Variants in TOX observed in about 807,000 individuals in gnomAD.
TOX encodes thymocyte selection-associated high mobility group box protein TOX.
A neutral mutation model predicts 53.7 loss-of-function variants in TOX; 11 were observed. The ratio of observed to expected loss-of-function variants is 0.20; its 90% CI spans 0.13 to 0.34. The LOEUF (loss-of-function observed/expected upper bound fraction) is 0.34. Ranked by LOEUF, TOX falls within the 10% of genes least tolerant of loss-of-function variation. The pLI is 1.00. For synonymous variants in TOX, 225 were observed against 245.3 expected (o/e 0.92, Z 0.77); for missense variants, 570 against 664.6 (o/e 0.86, Z 1.56).
chr8:58,905,504 C>T (rs1811797899), intron 3 of TOX, among the ~76,000 whole-genome samples: 2 of 152,294 alleles, frequency 1.3e-5, no homozygotes, highest in South Asian at 2.1e-4. Context: ...AACACTTATG[C>T]TGTCAGAGAG....
At chr8:59,099,438 C>G (rs1804767196) in intron 1 of TOX, among the ~76,000 whole-genome samples, 1 of 152,088 alleles carries the variant, frequency 6.6e-6, no homozygotes, top group Non-Finnish European at 1.5e-5. Flanking sequence ...AAGACAGACA[C>G]TAAATGGCTT....
intron 1 of TOX, among the ~76,000 whole-genome samples, chr8:58,997,065 T>C (rs2129417788): frequency 6.6e-6 from 1 of 152,318 alleles, no homozygotes; most frequent in South Asian, 2.1e-4. Flanking sequence ...CACTAACCTC[T>C]CTGATAGCAC....
At chr8:58,954,128 T>C (rs1057262934) in intron 2 of TOX, among the ~76,000 whole-genome samples, 14 of 152,202 alleles carry the variant, frequency 9.2e-5, no homozygotes, top group Admixed American at 7.2e-4. Flanking sequence ...GTAATAAGCA[T>C]TGACTGTCAT....
At chr8:59,077,259 T>G (rs1218716627) in intron 1 of TOX, among the ~76,000 whole-genome samples, 1 of 152,230 alleles carries the variant, frequency 6.6e-6, no homozygotes, top group Non-Finnish European at 1.5e-5. Flanking sequence ...CTCTTTATTC[T>G]GCCAATGAAC....
chr8:58,860,443 G>A (rs1004970544), intron 3 of TOX, among the ~76,000 whole-genome samples: 11 of 152,164 alleles, frequency 7.2e-5, no homozygotes, highest in South Asian at 2.1e-4. Context: ...AAATAGGAGA[G>A]GAGTGTACTG....
chr8:59,045,527 T>C (rs1212952610), intron 1 of TOX, among the ~76,000 whole-genome samples: 2 of 152,198 alleles, frequency 1.3e-5, no homozygotes, highest in Non-Finnish European at 1.5e-5. Flanking sequence ...ATTTGAATAA[T>C]GGTACAGTCT....
chr8:58,936,033 C>T (rs1371061756), intron 3 of TOX, among the ~76,000 whole-genome samples: 2 of 152,150 alleles, frequency 1.3e-5, no homozygotes, highest in African/African-American at 4.8e-5. Flanking sequence ...AGCCTCTTAC[C>T]GCTGCTATCT....
chr8:58,904,060 T>C (rs1811773203), intron 3 of TOX, among the ~76,000 whole-genome samples: 1 of 152,122 alleles, frequency 6.6e-6, no homozygotes, highest in Non-Finnish European at 1.5e-5. Context: ...GTTTAGAAAA[T>C]GAGGCTCAGA....
intron 1 of TOX, among the ~76,000 whole-genome samples, chr8:59,005,233 T>C (rs1183421895): frequency 6.6e-6 from 1 of 151,958 alleles, no homozygotes; most frequent in Non-Finnish European, 1.5e-5. Context: ...AGAGACGGGG[T>C]TTCACCGTGT....
Position 58,939,549 on chromosome 8 carries a change from G to A in TOX, c.169-5C>T. The A allele has an allele frequency of 2.5e-6, 4 of 1,600,034 alleles. No individual in the cohort carries two copies. The South Asian group carries it at 4.5e-5, about 18-fold the overall frequency. ...CAGGCTTGGACCAGGGTAGGACTGTGAAAAGACAAAAGTGACATTGTTGCA... is the reference window on the plus strand; with the variant it reads ...CAGGCTTGGACCAGGGTAGGACTGTAAAAAGACAAAAGTGACATTGTTGCA... On this transcript the variant is annotated splice_polypyrimidine_tract_variant and splice_region_variant and intron_variant, in intron 2 of 8. Transcript: ENST00000361421.
chr8:59,023,698 C>T (rs930136497), intron 1 of TOX, among the ~76,000 whole-genome samples: 6 of 152,304 alleles, frequency 3.9e-5, no homozygotes, highest in Non-Finnish European at 7.4e-5. Flanking sequence ...AAATGCATTT[C>T]ACTTCTCTGA....
At chr8:58,814,633 T>G (rs1436970171) in intron 7 of TOX, 1 of 152,232 alleles carries the variant, frequency 6.6e-6, no homozygotes, top group Non-Finnish European at 1.5e-5. Context: ...TTATATTGTT[T>G]GAGCCTAATT....
At chr8:59,048,776 G>A (rs1269634731) in intron 1 of TOX, among the ~76,000 whole-genome samples, 3 of 151,952 alleles carry the variant, frequency 2.0e-5, no homozygotes, top group South Asian at 4.2e-4. Context: ...TATTCACATC[G>A]GGTAAATGGG....
At chr8:58,904,852 C>T (rs1041155698) in intron 3 of TOX, among the ~76,000 whole-genome samples, 5 of 152,112 alleles carry the variant, frequency 3.3e-5, no homozygotes, top group South Asian at 2.1e-4. Flanking sequence ...GGGGAGAGCA[C>T]GCTGCAGAGG....
At chr8:58,865,510 A>C (rs1019235930) in intron 3 of TOX, among the ~76,000 whole-genome samples, 27 of 152,004 alleles carry the variant, frequency 1.8e-4, no homozygotes, top group Admixed American at 1.2e-3. Flanking sequence ...CCTGATTCTC[A>C]ATAAAATCTT....
At chr8:58,966,873 CTTTTT>C (rs550882424) in intron 1 of TOX, among the ~76,000 whole-genome samples, 2 of 123,710 alleles carry the variant, frequency 1.6e-5, no homozygotes, top group Admixed American at 8.2e-5. Context: ...TCAAGTTATT[CTTTTT>C]TTTTTTTTTT....
chr8:58,943,966 G>C (rs959727557), intron 2 of TOX, among the ~76,000 whole-genome samples: 2 of 152,120 alleles, frequency 1.3e-5, no homozygotes, highest in African/African-American at 4.8e-5. Context: ...ATTAACTCAA[G>C]GTAAATTGGA....
chr8:58,819,056 G>A (rs564988920), intron 6 of TOX, among the ~76,000 whole-genome samples: 10 of 152,240 alleles, frequency 6.6e-5, no homozygotes, highest in African/African-American at 2.2e-4. Context: ...TATTGTTCTG[G>A]AAGATAGGTA....
At chr8:58,829,285 G>C (rs1027195563) in intron 5 of TOX, among the ~76,000 whole-genome samples, 15 of 152,134 alleles carry the variant, frequency 9.9e-5, no homozygotes, top group Non-Finnish European at 1.9e-4. Flanking sequence ...CATGTTTCAG[G>C]CTGCATAGAT....
Sources: gnomAD v4.1 joint callset for allele counts (sites outside exome capture counted in the v4.1 genomes callset) on GRCh38, gnomAD v4.1.1 for gene constraint, MANE v1.5 for transcripts, NCBI Gene and HGNC (gene_info 2026-07-23, HGNC 2026-07-21) for gene names.